Variants in COL15A1 observed in about 807,000 individuals in gnomAD.
COL15A1 encodes collagen alpha-1(XV) chain.
Under a neutral mutation model 165.9 loss-of-function variants are expected in COL15A1, and 111 were observed. The observed-to-expected ratio is 0.67, with a 90% CI of 0.57 to 0.78. COL15A1 has a LOEUF of 0.78. Among genes scored for constraint, COL15A1 ranks in the 30% least tolerant of loss-of-function variants. The pLI, the probability that COL15A1 is intolerant of heterozygous loss-of-function variation, is 0.00. For synonymous variants in COL15A1, 659 were observed against 674.8 expected, an observed-to-expected ratio of 0.98 and a Z score of 0.36; for missense variants, 1,745 against 1,789.7, an observed-to-expected ratio of 0.98 and a Z score of 0.45.
At chr9:99,003,755 G>A (rs1564046769) in intron 8 of COL15A1, among the ~76,000 whole-genome samples, 168 bp downstream of exon 8, 2 of 152,156 alleles carry the variant, frequency 1.3e-5, no homozygotes, top group African/African-American at 2.4e-5. Flanking sequence ...ATTCAGTGGC[G>A]GTGTGCAGAG....
chr9:98,957,941 CTGGCTGGGGT>C (rs1837802815), intron 2 of COL15A1, among the ~76,000 whole-genome samples: 2 of 152,218 alleles, frequency 1.3e-5, no homozygotes, highest in Admixed American at 1.3e-4. Context: ...ACCATCACAC[CTGGCTGGGGT>C]TGTTCTCTAT....
chr9:99,021,111 C>A (rs895665600), intron 12 of COL15A1, among the ~76,000 whole-genome samples: 1 of 152,224 alleles, frequency 6.6e-6, no homozygotes, highest in Admixed American at 6.5e-5. Flanking sequence ...GCCCAGGGAG[C>A]CTGCTCTGGC....
intron 9 of COL15A1, among the ~76,000 whole-genome samples, chr9:99,005,687 C>G (rs946063515): frequency 6.6e-6 from 1 of 152,214 alleles, no homozygotes; most frequent in Non-Finnish European, 1.5e-5. Context: ...TATATCCCAT[C>G]AAGCATCAAG....
At chr9:99,056,109 A>T in intron 34 of COL15A1, 151 bp from the exon 35 acceptor site, 1 of 830,812 alleles carries the variant, frequency 1.2e-6, no homozygotes, top group Non-Finnish European at 2.0e-6. Flanking sequence ...TGGAGGCCTT[A>T]CCCCACCTTG....
chr9:99,048,519 ATTTTG>A (rs112566357), intron 28 of COL15A1, among the ~76,000 whole-genome samples: 18,630 of 151,826 alleles, frequency 0.12, 1,219 homozygotes, highest in South Asian at 0.2. Flanking sequence ...GTGCAAAGTG[ATTTTG>A]TTTTGTTTTG....
At chr9:98,971,081 G>A (rs1838042642) in intron 2 of COL15A1, among the ~76,000 whole-genome samples, 1 of 152,158 alleles carries the variant, frequency 6.6e-6, no homozygotes, top group South Asian at 2.1e-4. Context: ...AAGGCCTCCT[G>A]TATCCTCCTC....
At chr9:99,033,806 G>A (rs1839250731) in intron 16 of COL15A1, among the ~76,000 whole-genome samples, 1 of 152,138 alleles carries the variant, frequency 6.6e-6, no homozygotes, top group Admixed American at 6.5e-5. Flanking sequence ...TCTTGCAGGT[G>A]CATTTGTGGT....
intron 2 of COL15A1, among the ~76,000 whole-genome samples, chr9:98,950,382 A>G (rs1236510115): frequency 6.6e-6 from 1 of 152,284 alleles, no homozygotes; most frequent in East Asian, 1.9e-4. Flanking sequence ...ATTTTAGTGG[A>G]TATAAAATGG....
rs535607675 is a variant in COL15A1, at chr9:99,044,716, A to G, written c.2644-19A>G. Reference sequence around the variant, plus strand: ...GTTTCTGTCCCAAACAGTGACAAGTATATATCTTCCTGTTTTAGGGTGAAC... The same window carrying G: ...GTTTCTGTCCCAAACAGTGACAAGTGTATATCTTCCTGTTTTAGGGTGAAC... On this transcript the variant is annotated intron_variant, in intron 25 of 41. Coordinates refer to ENST00000375001, the MANE Select transcript of COL15A1 (RefSeq NM_001855.5). 1.9e-6 allele frequency: 3 copies of G among 1,613,658 alleles called. No homozygotes were observed. Among genetic ancestry groups the G allele is most frequent in the South Asian group, 1.1e-5 (1 of 91,058 alleles).
At chr9:99,013,322 A>G (rs1174270312) in intron 9 of COL15A1, among the ~76,000 whole-genome samples, 1 of 152,160 alleles carries the variant, frequency 6.6e-6, no homozygotes, top group Non-Finnish European at 1.5e-5. Flanking sequence ...CTTGCCCTCC[A>G]GTCACCCAGG....
intron 30 of COL15A1, among the ~76,000 whole-genome samples, chr9:99,051,065 C>T (rs1351877809): frequency 6.6e-6 from 1 of 152,160 alleles, no homozygotes; most frequent in Non-Finnish European, 1.5e-5. Flanking sequence ...CTGGAGTGAC[C>T]TTCCTGGGCA....
intron 2 of COL15A1, among the ~76,000 whole-genome samples, chr9:98,972,968 C>T (rs1354325978): frequency 6.6e-6 from 1 of 152,232 alleles, no homozygotes; most frequent in Non-Finnish European, 1.5e-5. Flanking sequence ...GACTTCCTGT[C>T]TCTGGGGCTT....
At chr9:99,028,157 C>T (rs1342000299) in intron 16 of COL15A1, among the ~76,000 whole-genome samples, 1 of 152,158 alleles carries the variant, frequency 6.6e-6, no homozygotes, top group Non-Finnish European at 1.5e-5. Flanking sequence ...TTTAGCACAG[C>T]ACATAGACCA....
intron 2 of COL15A1, among the ~76,000 whole-genome samples, chr9:98,982,393 G>A (rs541826181): frequency 1.3e-5 from 2 of 152,294 alleles, no homozygotes; most frequent in South Asian, 4.1e-4. Context: ...AATTTAGTTT[G>A]TAGTTTACAT....
chr9:99,019,774 G>A (rs1838996001), intron 11 of COL15A1, among the ~76,000 whole-genome samples: 1 of 152,080 alleles, frequency 6.6e-6, no homozygotes, highest in African/African-American at 2.4e-5. Context: ...GTTCATCCAT[G>A]GAAAACATGA....
intron 36 of COL15A1, among the ~76,000 whole-genome samples, chr9:99,060,553 C>T (rs1444322996): frequency 3.3e-5 from 5 of 151,224 alleles, no homozygotes; most frequent in Admixed American, 6.6e-5. Context: ...AGTACAGACA[C>T]GAGCCACCAC....
intron 2 of COL15A1, among the ~76,000 whole-genome samples, chr9:98,979,676 C>G (rs1016599016): frequency 6.7e-6 from 1 of 149,838 alleles, no homozygotes; most frequent in African/African-American, 2.4e-5. Context: ...TTTATTAGTT[C>G]TATGCAGAAC....
At chr9:99,021,483 C>T (rs184891945) in intron 12 of COL15A1, among the ~76,000 whole-genome samples, 15 of 152,284 alleles carry the variant, frequency 9.9e-5, no homozygotes, top group African/African-American at 3.4e-4. Flanking sequence ...CTTCTCTGGG[C>T]CCTTTTTGAC....
At chr9:98,984,674 G>A (rs900335639) in intron 2 of COL15A1, among the ~76,000 whole-genome samples, 1 of 152,188 alleles carries the variant, frequency 6.6e-6, no homozygotes, top group African/African-American at 2.4e-5. Flanking sequence ...TGACAATGAC[G>A]CAAATTTCAA....
Sources: allele counts gnomAD v4.1 joint callset (sites outside exome capture counted in the v4.1 genomes callset), GRCh38; gene constraint gnomAD v4.1.1; transcripts MANE v1.5; gene names NCBI Gene and HGNC (gene_info 2026-07-23, HGNC 2026-07-21).